Variants in FGL1 observed in about 807,000 individuals in gnomAD.
FGL1 encodes fibrinogen-like protein 1.
Under a neutral mutation model 43.7 loss-of-function variants are expected in FGL1, and 59 were observed. That is an observed-to-expected ratio of 1.35 (90% CI 1.10 to 1.68). The LOEUF is 1.68. Ranked by LOEUF, FGL1 falls within the 40% of genes most tolerant of loss-of-function variation. The pLI is 0.00. For missense variants in FGL1, 596 were observed against 373.0 expected, an observed-to-expected ratio of 1.60 and a Z score of -4.92; for synonymous variants, 192 against 126.5, an observed-to-expected ratio of 1.52 and a Z score of -3.48.
Position 17,868,584 on chromosome 8 carries a change from C to A in FGL1, c.743G>T (p.Cys248Phe), listed in dbSNP as rs761523654. The A allele has an allele frequency of 2.5e-6, 4 of 1,613,624 alleles. No individual in the cohort carries two copies. The South Asian group carries it at 4.4e-5, about 18-fold the overall frequency. Residue 248 changes from cysteine to phenylalanine, a missense_variant, in exon 7 of 8, where the codon TGC becomes TTC. Physicochemically the swap from Cys to Phe is radical, Grantham distance 205. Coordinates refer to ENST00000427924, the MANE Select transcript of FGL1 (RefSeq NM_004467.4). ...CCAGCCAGACTGATCTTCTTCTGCG[C>A]AGTTCCCTTCATAGTTGTCATGATC... ...DRDHDNYEGN[C>F]AEEDQSGWWF...
rs754368325 is a variant in FGL1, at chr8:17,868,686, G to C, written c.641C>G (p.Ser214Cys). The stretch of plus-strand genomic sequence containing the variant: ...CTCAGGATGAAAATTCCCCGCAAGG[G>C]AATCTCCAGCTGTTCCAGAATATTC... The part of the protein sequence containing the change: ...IGEYSGTAGD[S>C]LAGNFHPEVQ... The change falls in exon 7 of 8, where the codon TCC becomes TGC. Residue 214 changes from serine to cysteine, a missense_variant. Ser to Cys is a moderately radical substitution (Grantham distance 112). Coordinates refer to ENST00000427924, the MANE Select transcript of FGL1 (RefSeq NM_004467.4). 4.6e-5 allele frequency: 74 copies of C among 1,613,640 alleles called. No homozygotes were observed. Among genetic ancestry groups the C allele is most frequent in the Non-Finnish European group, 6.0e-5 (71 of 1,179,902 alleles).
intron 2 of FGL1, among the ~76,000 whole-genome samples, chr8:17,884,585 A>C (rs2053600501): frequency 6.6e-6 from 1 of 152,144 alleles, no homozygotes; most frequent in South Asian, 2.1e-4. Context: ...TAGCACCTTG[A>C]GTCACATAGG....
chr8:17,882,483 A>C (rs2053551987), intron 2 of FGL1: 1 of 207,568 alleles, frequency 4.8e-6, no homozygotes, highest in Non-Finnish European at 9.7e-6. Flanking sequence ...GCGGTAGGAA[A>C]GGGCTCAGTC....
At position 17,882,140 on chromosome 8, in the gene FGL1, C is replaced by T; in HGVS notation, c.103G>A (p.Ala35Thr). 6.2e-7 allele frequency: 1 copy of T among 1,613,968 alleles called. No homozygotes were observed. The highest frequency in any genetic ancestry group is 8.5e-7 in the Non-Finnish European group (1 of 1,179,992). The change falls in exon 3 of 8, where the codon GCC becomes ACC. Residue 35 changes from alanine (A) to threonine (T), a missense_variant. Physicochemically the swap from Ala to Thr is moderately conservative, Grantham distance 58 (BLOSUM62 0). Coordinates refer to ENST00000427924, the MANE Select transcript of FGL1 (RefSeq NM_004467.4). ...DCAQEQMRLR[A>T]QVRLLETRVK... Reference sequence around the variant, plus strand: ...CGGGTCTCAAGCAGGCGCACCTGGGCTCTGAGCCGCATCTGCTCCTGGGCA... The same window carrying T: ...CGGGTCTCAAGCAGGCGCACCTGGGTTCTGAGCCGCATCTGCTCCTGGGCA...
At chr8:17,892,047 A>C (rs34154645) in intron 1 of FGL1, among the ~76,000 whole-genome samples, 5,178 of 152,274 alleles carry the variant, frequency 0.034, 176 homozygotes, top group East Asian at 0.21. Flanking sequence ...ATAAGTTTTT[A>C]GTTTGACTCG....
Position 17,868,769 on chromosome 8 carries a change from G to T in FGL1, c.592-34C>A, listed in dbSNP as rs140672482. ...AAAGGGCATTTCTGCTGTCAGTGGA[G>T]TTCCTCTATGACCATTTTAAAATTA... On this transcript the variant is annotated intron_variant, in intron 6 of 7. Coordinates refer to ENST00000427924, the MANE Select transcript of FGL1 (RefSeq NM_004467.4). The T allele has an allele frequency of 6.2e-3, 9,726 of 1,577,984 alleles. 80 individuals carry two copies. Among genetic ancestry groups the T allele is most frequent in the Middle Eastern group, 0.02 (119 of 5,904 alleles).
intron 3 of FGL1, among the ~76,000 whole-genome samples, chr8:17,876,702 A>T (rs2517301): frequency 0.73 from 111,123 of 152,012 alleles, 41,125 homozygotes; most frequent in Non-Finnish European, 0.79. Flanking sequence ...TGCTTACATT[A>T]AATTTCCTAC....
chr8:17,884,205 T>C (rs1283588227), intron 2 of FGL1, among the ~76,000 whole-genome samples: 1 of 145,686 alleles, frequency 6.9e-6, no homozygotes, highest in African/African-American at 2.7e-5. Flanking sequence ...CTCTCTCTCT[T>C]TCTTTCAACA....
intron 3 of FGL1, among the ~76,000 whole-genome samples, chr8:17,874,916 A>G (rs979862648): frequency 1.3e-5 from 1 of 77,810 alleles, no homozygotes; most frequent in African/African-American, 4.6e-5. Context: ...CTGGGATTAC[A>G]GGTGTGAGCT....
At chr8:17,885,669 G>A (rs912178738) in intron 1 of FGL1, 98 bp from the exon 2 acceptor site, 66 of 914,056 alleles carry the variant, frequency 7.2e-5, no homozygotes, top group Middle Eastern at 2.2e-4. Context: ...GGATGCAGCC[G>A]CAGGCCATCC....
In FGL1 at chr8:17,889,752, T is replaced by C. The variant is rs374842595; in HGVS notation, c.-17-4181A>G. 7.2e-5 allele frequency among the ~76,000 whole-genome samples: 11 copies of C among 152,376 alleles called. No individual in the cohort carries two copies. The East Asian group carries it at 1.7e-3, about 24-fold the overall frequency. Reference sequence around the variant, plus strand: ...CTTTATTGCCTGGTTAATCCTTTCTTACTGTATTATGTTGAACTATAAGAA... The same window carrying C: ...CTTTATTGCCTGGTTAATCCTTTCTCACTGTATTATGTTGAACTATAAGAA... On this transcript the variant is annotated intron_variant, in intron 1 of 7. Transcript: ENST00000427924.
At chr8:17,894,610 C>A (rs1046775092) in intron 1 of FGL1, among the ~76,000 whole-genome samples, 1 of 146,528 alleles carries the variant, frequency 6.8e-6, no homozygotes, top group African/African-American at 2.7e-5. Context: ...AAACTGTAAA[C>A]CTATCATTTA....
chr8:17,885,449 G>C, intron 2 of FGL1, 43 bp downstream of exon 2: 1 of 1,462,872 alleles, frequency 6.8e-7, no homozygotes, highest in Non-Finnish European at 9.5e-7. Flanking sequence ...TCAGATAAAA[G>C]CAGGCATTAT....
In FGL1 at chr8:17,864,735, G is replaced by A; in HGVS notation, c.796C>T (p.Leu266=). The A allele has an allele frequency of 2.0e-6, 3 of 1,526,104 alleles. No homozygotes were observed. The highest frequency in any genetic ancestry group is 2.6e-6 in the Non-Finnish European group (3 of 1,139,774). 94.5% of individuals were successfully genotyped at this position (1,526,104 alleles called of 1,614,324 possible). The change falls in exon 8 of 8, where the codon CTG becomes TTG. Residue 266 remains leucine (L), a synonymous_variant. Coordinates refer to ENST00000427924, the MANE Select transcript of FGL1 (RefSeq NM_004467.4). ...GGGCCGCTGTAGTATACACCATTCA[G>A]GTTTGCAGAGTGACACCTAGTGGAA... is the stretch of plus-strand genomic sequence containing the variant. The part of the protein sequence containing the change: ...WWFNRCHSAN[L]NGVYYSGPYT...
chr8:17,874,266 G>A, intron 4 of FGL1, 96 bp downstream of exon 4: 1 of 1,405,550 alleles, frequency 7.1e-7, no homozygotes, highest in Non-Finnish European at 9.9e-7. Flanking sequence ...TTGAAATTCT[G>A]TCTAATTAAT....
chr8:17,867,864 G>A (rs1047293693), intron 7 of FGL1, among the ~76,000 whole-genome samples: 11 of 152,186 alleles, frequency 7.2e-5, no homozygotes, highest in African/African-American at 2.7e-4. Context: ...GAGGCCAGGA[G>A]TTCGAGACCT....
chr8:17,884,894 T>C (rs1352653019), intron 2 of FGL1, among the ~76,000 whole-genome samples: 1 of 152,198 alleles, frequency 6.6e-6, no homozygotes, highest in East Asian at 1.9e-4. Flanking sequence ...ATCTGGTTAG[T>C]TTTACACTTT....
chr8:17,864,879 A>T (rs903766015), intron 7 of FGL1, 128 bp from the exon 8 acceptor site: 1 of 719,776 alleles, frequency 1.4e-6, no homozygotes, highest in Non-Finnish European at 2.0e-6. Context: ...TCAGACAAGT[A>T]AATATTTACT....
rs761952326 is a variant in FGL1, at chr8:17,864,554, A to G, written c.*38T>C. 6.3e-7 allele frequency: 1 copy of G among 1,580,316 alleles called. No individual in the cohort carries two copies. The highest frequency in any genetic ancestry group is 1.2e-5 in the South Asian group (1 of 85,632). ...GAGTATTTTTCAAATCACTTTAAACAAAGCTGAATTGCAGAAACGAAAGCC... is the reference window on the plus strand; with the variant it reads ...GAGTATTTTTCAAATCACTTTAAACGAAGCTGAATTGCAGAAACGAAAGCC... On this transcript the variant is annotated 3_prime_UTR_variant, in exon 8 of 8. Transcript: ENST00000427924.
Sources: gnomAD v4.1 joint callset for allele counts (sites outside exome capture counted in the v4.1 genomes callset) on GRCh38, gnomAD v4.1.1 for gene constraint, MANE v1.5 for transcripts, NCBI Gene and HGNC (gene_info 2026-07-23, HGNC 2026-07-21) for gene names.